Variants in JAZF1 observed in about 807,000 individuals in gnomAD.
JAZF1 encodes the protein JAZF zinc finger 1.
Under a neutral mutation model 26.4 loss-of-function variants are expected in JAZF1, and 8 were observed. The ratio of observed to expected loss-of-function variants is 0.30; its 90% CI spans 0.18 to 0.55. The LOEUF (loss-of-function observed/expected upper bound fraction) is 0.55. Among genes scored for constraint, JAZF1 ranks in the 20% least tolerant of loss-of-function variants. JAZF1 has a pLI of 0.94. For synonymous variants in JAZF1, 126 were observed against 122.3 expected (o/e 1.03, Z -0.20); for missense variants, 199 against 322.0 (o/e 0.62, Z 2.92).
chr7:28,014,694 T>C (rs994241263), intron 1 of JAZF1, among the ~76,000 whole-genome samples: 1 of 152,208 alleles, frequency 6.6e-6, no homozygotes, highest in Middle Eastern at 3.2e-3. Context: ...GGTATGTCTT[T>C]AACAGCAGCA....
chr7:28,019,414 G>A (rs1291756780), intron 1 of JAZF1, among the ~76,000 whole-genome samples: 1 of 152,114 alleles, frequency 6.6e-6, no homozygotes, highest in Non-Finnish European at 1.5e-5. Context: ...TAGAATCTCA[G>A]AATGTTGGGG....
intron 3 of JAZF1, among the ~76,000 whole-genome samples, chr7:27,868,457 C>T (rs907173315): frequency 2.2e-4 from 34 of 152,210 alleles, no homozygotes; most frequent in Non-Finnish European, 2.5e-4. Context: ...GGCCGCCTCA[C>T]GGGGGTTTCT....
At chr7:28,036,588 C>T (rs1783298834) in intron 1 of JAZF1, among the ~76,000 whole-genome samples, 2 of 152,194 alleles carry the variant, frequency 1.3e-5, no homozygotes, top group African/African-American at 4.8e-5. Flanking sequence ...AGGGTCATCT[C>T]TGGAGGACAT....
chr7:27,911,172 A>G (rs1448261457), intron 2 of JAZF1, among the ~76,000 whole-genome samples: 1 of 152,240 alleles, frequency 6.6e-6, no homozygotes, highest in African/African-American at 2.4e-5. Flanking sequence ...TGTGCAAACT[A>G]ACCCCTTCTT....
At chr7:28,029,042 ATCATG>A (rs1225177690) in intron 1 of JAZF1, among the ~76,000 whole-genome samples, 1 of 152,002 alleles carries the variant, frequency 6.6e-6, no homozygotes, top group Non-Finnish European at 1.5e-5. Flanking sequence ...TTAAAGCAAA[ATCATG>A]CAGACATCTT....
At chr7:28,062,415 G>C (rs1783814852) in intron 1 of JAZF1, among the ~76,000 whole-genome samples, 2 of 152,060 alleles carry the variant, frequency 1.3e-5, no homozygotes, top group African/African-American at 4.8e-5. Flanking sequence ...TGTATATAGG[G>C]ACATCTCTGC....
intron 1 of JAZF1, among the ~76,000 whole-genome samples, chr7:28,148,659 T>C (rs1397623329): frequency 6.6e-6 from 1 of 152,244 alleles, no homozygotes; most frequent in East Asian, 1.9e-4. Context: ...TATCCATCCA[T>C]CTATTCATTT....
intron 2 of JAZF1, among the ~76,000 whole-genome samples, chr7:27,921,800 G>A (rs976984221): frequency 6.6e-6 from 1 of 152,264 alleles, no homozygotes; most frequent in East Asian, 1.9e-4. Context: ...GGGAGTCCGA[G>A]GTGGTAGGAC....
At chr7:27,991,296 T>C (rs1785897734) in intron 2 of JAZF1, among the ~76,000 whole-genome samples, 1 of 152,232 alleles carries the variant, frequency 6.6e-6, no homozygotes, top group South Asian at 2.1e-4. Context: ...TTGATTTCAG[T>C]TTCTCTCCAA....
At chr7:28,045,649 T>C (rs139016832) in intron 1 of JAZF1, among the ~76,000 whole-genome samples, 25 of 152,244 alleles carry the variant, frequency 1.6e-4, no homozygotes, top group African/African-American at 5.5e-4. Flanking sequence ...TGCTCATAGC[T>C]CACTATAGCC....
At chr7:27,876,809 G>A (rs1363040216) in intron 3 of JAZF1, among the ~76,000 whole-genome samples, 1 of 152,124 alleles carries the variant, frequency 6.6e-6, no homozygotes, top group African/African-American at 2.4e-5. Context: ...GGAACTGGGC[G>A]GGAGAGTTTC....
chr7:27,900,937 C>G (rs559765482), intron 2 of JAZF1, among the ~76,000 whole-genome samples: 1 of 150,836 alleles, frequency 6.6e-6, no homozygotes, highest in East Asian at 1.9e-4. Context: ...TACCATTCAG[C>G]TTATGAAAAG....
chr7:27,966,303 A>G (rs1785274090), intron 2 of JAZF1, among the ~76,000 whole-genome samples: 1 of 152,084 alleles, frequency 6.6e-6, no homozygotes, highest in Admixed American at 6.5e-5. Context: ...TTTAATCCCT[A>G]CCCACTCTTT....
At chr7:27,886,184 CAGTAA>C (rs1293594717) in intron 3 of JAZF1, among the ~76,000 whole-genome samples, 3 of 152,216 alleles carry the variant, frequency 2.0e-5, no homozygotes, top group African/African-American at 4.8e-5. Context: ...TTAATCCTCA[CAGTAA>C]AGTAAACACT....
chr7:28,007,326 G>A (rs757706314), intron 1 of JAZF1, among the ~76,000 whole-genome samples: 10 of 152,194 alleles, frequency 6.6e-5, no homozygotes, highest in Middle Eastern at 3.4e-3. Flanking sequence ...AAAATTAGCC[G>A]GGTGTGGTGA....
At position 28,051,156 on chromosome 7, in the gene JAZF1, AC is replaced by A. The variant is rs1286879956; in HGVS notation, c.116-59176del. ...CAAAAAAAAAAAAAAAAAAAAAAAA[AC>A]AAAGTCTACTACTATAACTGTTTTT... is the stretch of plus-strand genomic sequence containing the variant. On this transcript the variant is annotated intron_variant, in intron 1 of 4. Transcript: ENST00000283928. 1.0e-3 allele frequency among the ~76,000 whole-genome samples: 140 copies of A among 140,090 alleles called. 2 individuals carry two copies. The highest frequency in any genetic ancestry group is 2.5e-3 in the African/African-American group (92 of 37,460). 91.9% of individuals were successfully genotyped at this position (140,090 alleles called of 152,430 possible). A position where few individuals can be genotyped will look rare whatever the true frequency, so the allele number is the denominator to read the frequency against.
intron 2 of JAZF1, among the ~76,000 whole-genome samples, chr7:27,951,362 G>T (rs1785005766): frequency 6.6e-6 from 1 of 152,140 alleles, no homozygotes; most frequent in South Asian, 2.1e-4. Context: ...ATTACCTTAA[G>T]AAATTGTATA....
chr7:27,960,251 C>A (rs1008334114), intron 2 of JAZF1, among the ~76,000 whole-genome samples: 2 of 152,214 alleles, frequency 1.3e-5, no homozygotes, highest in African/African-American at 4.8e-5. Context: ...TCCTTTAAAT[C>A]ACAAGACTGA....
chr7:27,873,164 G>C (rs1783615693), intron 3 of JAZF1, among the ~76,000 whole-genome samples: 1 of 152,114 alleles, frequency 6.6e-6, no homozygotes, highest in South Asian at 2.1e-4. Flanking sequence ...ATTTCATCAA[G>C]AAAATCAAAT....
Sources: gnomAD v4.1 joint callset for allele counts (sites outside exome capture counted in the v4.1 genomes callset) on GRCh38, gnomAD v4.1.1 for gene constraint, MANE v1.5 for transcripts, NCBI Gene and HGNC (gene_info 2026-07-23, HGNC 2026-07-21) for gene names.